Variants in SLC9D1 observed in about 807,000 individuals in gnomAD.
SLC9D1 encodes the protein putative LAG1-interacting protein.
the SLC9D1 span, among the ~76,000 whole-genome samples, chr13:113,513,446 A>T: frequency 6.6e-6 from 1 of 151,966 alleles, no homozygotes; most frequent in Non-Finnish European, 1.5e-5. Flanking sequence ...AGAAAAGGAG[A>T]TGTTTGAGTT....
the SLC9D1 span, chr13:113,549,289 G>A: frequency 1.0e-6 from 1 of 989,972 alleles, no homozygotes; most frequent in Non-Finnish European, 1.5e-6. Context: ...CCAGCACTCA[G>A]CGTGACTGTG....
At chr13:113,507,119 C>T in the SLC9D1 span, among the ~76,000 whole-genome samples, 3 of 151,938 alleles carry the variant, frequency 2.0e-5, no homozygotes, top group Admixed American at 1.3e-4. Context: ...CTGGGATGTG[C>T]GGGTGTCTTG....
the SLC9D1 span, chr13:113,511,725 G>A: frequency 6.6e-6 from 1 of 152,374 alleles, no homozygotes; most frequent in Non-Finnish European, 1.5e-5. Context: ...ACCAAGTGGG[G>A]ACCAGGAACG....
the SLC9D1 span, among the ~76,000 whole-genome samples, chr13:113,500,772 G>A: frequency 6.6e-6 from 1 of 152,290 alleles, no homozygotes; most frequent in Non-Finnish European, 1.5e-5. Flanking sequence ...GTTTGTACAG[G>A]AGCAGAAACC....
At chr13:113,506,070 G>A in the SLC9D1 span, 1 of 169,784 alleles carries the variant, frequency 5.9e-6, no homozygotes, top group Non-Finnish European at 1.2e-5. Context: ...ACTCTCCTGG[G>A]TCCTAATGAA....
chr13:113,513,996 TC>T, the SLC9D1 span, among the ~76,000 whole-genome samples: 1 of 152,250 alleles, frequency 6.6e-6, no homozygotes, highest in East Asian at 1.9e-4. Context: ...GCTGGGGAGA[TC>T]GACTTACCAG....
At chr13:113,528,238 G>A in the SLC9D1 span, 2 of 152,172 alleles carry the variant, frequency 1.3e-5, no homozygotes, top group Non-Finnish European at 2.9e-5. Flanking sequence ...TGGTTCGTGT[G>A]TTTATTAGGA....
the SLC9D1 span, chr13:113,491,027 C>T: frequency 1.6e-3 from 260 of 162,774 alleles, no homozygotes; most frequent in African/African-American, 5.9e-3. Context: ...GGGCGGGAGT[C>T]CGGGTCGGCT....
At chr13:113,508,392 G>C in the SLC9D1 span, among the ~76,000 whole-genome samples, 47 of 152,382 alleles carry the variant, frequency 3.1e-4, no homozygotes, top group African/African-American at 1.1e-3. Context: ...TCCTCAGGCT[G>C]CAGCCAGCGT....
the SLC9D1 span, among the ~76,000 whole-genome samples, chr13:113,535,603 C>T: frequency 1.2e-4 from 18 of 152,312 alleles, no homozygotes; most frequent in East Asian, 3.1e-3. This position sits in a 1 kb window ranked among gnomAD's most constrained non-coding sequence, Gnocchi z 4.1. Flanking sequence ...GTCCATACCA[C>T]GGAACGCCAC....
At chr13:113,534,239 C>T in the SLC9D1 span, 338 of 1,607,634 alleles carry the variant, frequency 2.1e-4, 2 homozygotes, top group South Asian at 2.5e-4. Context: ...TTAATGTTAA[C>T]GGTAATTCTC....
the SLC9D1 span, chr13:113,549,380 A>G: frequency 1.9e-6 from 3 of 1,603,758 alleles, no homozygotes. Flanking sequence ...TGCAGGTGCT[A>G]GTCCTGACAG....
the SLC9D1 span, among the ~76,000 whole-genome samples, chr13:113,538,327 C>A: frequency 6.6e-6 from 1 of 152,136 alleles, no homozygotes; most frequent in Admixed American, 6.6e-5. Context: ...TGTGCACATG[C>A]CCCTCTGACT....
At chr13:113,528,360 C>T in the SLC9D1 span, 1 of 152,376 alleles carries the variant, frequency 6.6e-6, no homozygotes, top group African/African-American at 2.4e-5. Flanking sequence ...GCAAGCGCTT[C>T]CTCATGGCAG....
At chr13:113,513,423 A>T in the SLC9D1 span, among the ~76,000 whole-genome samples, 1 of 152,222 alleles carries the variant, frequency 6.6e-6, no homozygotes, top group Non-Finnish European at 1.5e-5. Context: ...ACATTTAGTC[A>T]GTTATGACTG....
the SLC9D1 span, among the ~76,000 whole-genome samples, chr13:113,497,273 C>T: frequency 6.6e-6 from 1 of 152,050 alleles, no homozygotes; most frequent in East Asian, 1.9e-4. Flanking sequence ...GTGAGACCAG[C>T]TGTGTGCAAG....
the SLC9D1 span, among the ~76,000 whole-genome samples, chr13:113,533,644 C>A: frequency 2.0e-5 from 3 of 152,182 alleles, no homozygotes; most frequent in Admixed American, 2.0e-4. Flanking sequence ...GCCTTGCTGA[C>A]GGTCGCTGGA....
At chr13:113,546,581 A>G in the SLC9D1 span, among the ~76,000 whole-genome samples, 1 of 152,256 alleles carries the variant, frequency 6.6e-6, no homozygotes, top group Admixed American at 6.5e-5. The surrounding 1 kb of genome is among the most constrained non-coding windows in gnomAD (Gnocchi z 7.1). Context: ...AACGGCAGAA[A>G]GGTCATGGGC....
chr13:113,532,971 C>T, the SLC9D1 span, among the ~76,000 whole-genome samples: 1 of 43,574 alleles, frequency 2.3e-5, no homozygotes, highest in Non-Finnish European at 4.4e-5. Context: ...GTGGGCCCTG[C>T]AGCGAGCTCT....
Sources: allele counts gnomAD v4.1 joint callset (sites outside exome capture counted in the v4.1 genomes callset), GRCh38; gene constraint gnomAD v4.1.1; non-coding constraint Gnocchi (gnomAD v3.1); transcripts MANE v1.5; gene names NCBI Gene and HGNC (gene_info 2026-07-23, HGNC 2026-07-21).